The following FAM193A variants were observed in gnomAD, a reference collection of about 807,000 sequenced individuals.
FAM193A encodes the protein family with sequence similarity 193 member A, also known as protein FAM193A.
In FAM193A, 22 loss-of-function variants were observed where a neutral mutation model predicts 126.5. That is an observed-to-expected ratio of 0.17 (90% confidence interval 0.12 to 0.25). The LOEUF (loss-of-function observed/expected upper bound fraction) is 0.25, where lower values mean the gene tolerates loss of function less well. Among genes scored for constraint, FAM193A ranks in the 10% least tolerant of loss-of-function variants. The probability of loss-of-function intolerance (pLI) is 1.00; values close to 1 mark genes in which losing one functional copy is unlikely to be tolerated. For synonymous variants in FAM193A, 761 were observed against 646.8 expected (o/e 1.18, Z -2.68); for missense variants, 1,675 against 1,672.8 (o/e 1.00, Z -0.02).
At chr4:2,681,624 C>T (rs1218039653) in intron 13 of FAM193A, among the ~76,000 whole-genome samples, 2 of 151,840 alleles carry the variant, frequency 1.3e-5, no homozygotes, top group Non-Finnish European at 2.9e-5. Flanking sequence ...ATCTATCTGT[C>T]TGTCTATGTA....
At chr4:2,624,083 G>A (rs1267172361) in intron 2 of FAM193A, among the ~76,000 whole-genome samples, 1 of 152,140 alleles carries the variant, frequency 6.6e-6, no homozygotes, top group Non-Finnish European at 1.5e-5. Flanking sequence ...GTAACTGAGC[G>A]GGAGGAGGAA....
intron 2 of FAM193A, among the ~76,000 whole-genome samples, chr4:2,610,270 C>T (rs1741785998): frequency 6.6e-6 from 1 of 152,100 alleles, no homozygotes; most frequent in African/African-American, 2.4e-5. Flanking sequence ...TAGTATTTGT[C>T]ATTATCTTGA....
intron 1 of FAM193A, among the ~76,000 whole-genome samples, chr4:2,541,274 A>G (rs893969784): frequency 1.3e-5 from 2 of 151,580 alleles, no homozygotes; most frequent in Non-Finnish European, 2.9e-5. Context: ...GGAGATTGTC[A>G]TGAGCTGAGA....
intron 2 of FAM193A, among the ~76,000 whole-genome samples, chr4:2,606,190 A>G (rs1443854039): frequency 1.3e-5 from 2 of 150,108 alleles, no homozygotes; most frequent in African/African-American, 2.5e-5. Context: ...TGCTGGGATT[A>G]CAGGCGTTTG....
chr4:2,648,460 G>T (rs1408045553), intron 7 of FAM193A, among the ~76,000 whole-genome samples: 1 of 152,160 alleles, frequency 6.6e-6, no homozygotes, highest in Admixed American at 6.5e-5. Flanking sequence ...CTTCAAAGTG[G>T]GTGTATTCCT....
intron 2 of FAM193A, among the ~76,000 whole-genome samples, chr4:2,596,975 C>A (rs779593069): frequency 6.6e-6 from 1 of 152,152 alleles, no homozygotes; most frequent in Non-Finnish European, 1.5e-5. Flanking sequence ...CCTTCTGATA[C>A]CTTGCTATGT....
intron 2 of FAM193A, among the ~76,000 whole-genome samples, chr4:2,608,863 T>G (rs1741694627): frequency 6.6e-6 from 1 of 151,826 alleles, no homozygotes; most frequent in Non-Finnish European, 1.5e-5. Flanking sequence ...TCTCTCTCTT[T>G]AAAATAATGT....
intron 20 of FAM193A, among the ~76,000 whole-genome samples, chr4:2,721,028 C>T (rs1048668099): frequency 2.6e-5 from 4 of 151,966 alleles, no homozygotes; most frequent in African/African-American, 7.2e-5. Flanking sequence ...ATTAGCCAGG[C>T]GTGGGCCGGG....
intron 20 of FAM193A, among the ~76,000 whole-genome samples, chr4:2,718,151 A>T (rs1199517307): frequency 6.6e-6 from 1 of 152,158 alleles, no homozygotes; most frequent in Non-Finnish European, 1.5e-5. Flanking sequence ...CAATAGAATA[A>T]ACCAAAGAAT....
At chr4:2,595,505 A>G (rs1017198319) in intron 1 of FAM193A, among the ~76,000 whole-genome samples, 1 of 152,164 alleles carries the variant, frequency 6.6e-6, no homozygotes, top group Non-Finnish European at 1.5e-5. Flanking sequence ...TGTAGGACCT[A>G]TTTGAAAATG....
At position 2,707,102 on chromosome 4, in the gene FAM193A, A is replaced by G. The variant is rs369273416; in HGVS notation, c.4372+6558A>G. ...GCTCCACTGCGCTCCAGCCGAGGCA[A>G]CAGAGTGAGACTCTGTCTCCCCCCA... is the stretch of plus-strand genomic sequence containing the variant. On this transcript the variant is annotated intron_variant, in intron 19 of 20. Coordinates refer to ENST00000637812, the MANE Select transcript of FAM193A (RefSeq NM_001366318.2). Among the ~76,000 whole-genome samples the G allele has an allele frequency of 3.9e-4, 60 of 152,204 alleles. No individual in the cohort carries two copies. In the East Asian group the frequency reaches 6.4e-3, roughly 16 times the overall value.
At chr4:2,578,833 C>G (rs1739755395) in intron 1 of FAM193A, among the ~76,000 whole-genome samples, 1 of 152,086 alleles carries the variant, frequency 6.6e-6, no homozygotes. Flanking sequence ...TGATAAAGGT[C>G]TTCATCCTCA....
At chr4:2,657,770 C>CT (rs751448473) in intron 7 of FAM193A, 33 bp from the exon 8 acceptor site, 100 of 1,488,618 alleles carry the variant, frequency 6.7e-5, no homozygotes, top group South Asian at 1.8e-4. Context: ...TAAAGTTTTT[C>CT]TTTTTTTTCT....
chr4:2,635,940 G>C (rs1744045408), intron 5 of FAM193A, among the ~76,000 whole-genome samples: 1 of 152,048 alleles, frequency 6.6e-6, no homozygotes, highest in South Asian at 2.1e-4. Flanking sequence ...TAGGTTGTCT[G>C]GTTGAAGTTA....
At chr4:2,573,694 C>T (rs1186261557) in intron 1 of FAM193A, among the ~76,000 whole-genome samples, 18 of 152,048 alleles carry the variant, frequency 1.2e-4, no homozygotes, top group East Asian at 1.9e-4. Context: ...GCCTACCTGT[C>T]GGGCTCTGTT....
At chr4:2,589,849 T>C (rs1553890305) in intron 1 of FAM193A, among the ~76,000 whole-genome samples, 1 of 152,154 alleles carries the variant, frequency 6.6e-6, no homozygotes, top group Non-Finnish European at 1.5e-5. Context: ...TAAAAGATCA[T>C]GTATAGGCTG....
chr4:2,551,194 GT>G (rs1737899445), intron 1 of FAM193A, among the ~76,000 whole-genome samples: 1 of 152,112 alleles, frequency 6.6e-6, no homozygotes, highest in Non-Finnish European at 1.5e-5. Flanking sequence ...TTCTTAAATT[GT>G]TTTTGCCTGA....
intron 2 of FAM193A, among the ~76,000 whole-genome samples, chr4:2,612,368 G>A (rs753245230): frequency 6.6e-6 from 1 of 151,786 alleles, no homozygotes; most frequent in Non-Finnish European, 1.5e-5. Flanking sequence ...AGACGGTGGC[G>A]TGCACCTGTA....
intron 2 of FAM193A, among the ~76,000 whole-genome samples, chr4:2,611,412 G>A (rs866262125): frequency 8.5e-5 from 13 of 152,150 alleles, no homozygotes; most frequent in African/African-American, 3.1e-4. Context: ...GGGACTACAG[G>A]CGCCAGCCAC....
Sources: allele counts gnomAD v4.1 joint callset (sites outside exome capture counted in the v4.1 genomes callset), GRCh38; gene constraint gnomAD v4.1.1; transcripts MANE v1.5; gene names NCBI Gene and HGNC (gene_info 2026-07-23, HGNC 2026-07-21).